The following RNF150 variants were observed in gnomAD, a reference collection of about 807,000 sequenced individuals.
The protein encoded by RNF150 is ring finger protein 150.
In RNF150, 24 loss-of-function variants were observed where a neutral mutation model predicts 39.3. That is an observed-to-expected ratio of 0.61 (90% confidence interval 0.44 to 0.86). The LOEUF is 0.86. Among genes scored for constraint, RNF150 ranks in the 40% least tolerant of loss-of-function variants. The pLI, the probability that RNF150 is intolerant of heterozygous loss-of-function variation, is 0.00. For synonymous variants in RNF150, 255 were observed against 227.3 expected (o/e 1.12, Z -1.10); for missense variants, 502 against 587.8 (o/e 0.85, Z 1.51).
chr4:140,992,931 C>A (rs982176905), intron 1 of RNF150, among the ~76,000 whole-genome samples: 1 of 151,958 alleles, frequency 6.6e-6, no homozygotes, highest in Non-Finnish European at 1.5e-5. Flanking sequence ...GGGAGGCACC[C>A]GAGAGCAGAG....
At chr4:140,882,482 T>C (rs1414810094) in intron 6 of RNF150, among the ~76,000 whole-genome samples, 1 of 152,206 alleles carries the variant, frequency 6.6e-6, no homozygotes, top group Non-Finnish European at 1.5e-5. Flanking sequence ...TACTTATGCC[T>C]ATTGTTCTCA....
At chr4:140,923,432 C>G (rs1248286566) in intron 5 of RNF150, among the ~76,000 whole-genome samples, 1 of 152,174 alleles carries the variant, frequency 6.6e-6, no homozygotes, top group Non-Finnish European at 1.5e-5. Flanking sequence ...TACCATCTCA[C>G]ACCAGTTAGA....
intron 1 of RNF150, among the ~76,000 whole-genome samples, chr4:141,037,643 G>A (rs1260928973): frequency 6.6e-6 from 1 of 152,018 alleles, no homozygotes; most frequent in African/African-American, 2.4e-5. Flanking sequence ...ATAAACTGTT[G>A]GATCAAAAGA....
intron 1 of RNF150, among the ~76,000 whole-genome samples, chr4:141,170,374 A>G (rs1727693189): frequency 6.6e-6 from 1 of 152,198 alleles, no homozygotes; most frequent in East Asian, 1.9e-4. Context: ...AACATGAATC[A>G]CCACATAATG....
intron 4 of RNF150, among the ~76,000 whole-genome samples, chr4:140,946,996 T>A (rs1732340060): frequency 6.6e-6 from 1 of 152,204 alleles, no homozygotes; most frequent in African/African-American, 2.4e-5. Flanking sequence ...ATTTATTTAA[T>A]TTTAACAATT....
chr4:141,029,624 G>A (rs1251703841), intron 1 of RNF150, among the ~76,000 whole-genome samples: 1 of 152,128 alleles, frequency 6.6e-6, no homozygotes, highest in Non-Finnish European at 1.5e-5. Context: ...TGCTAATTTG[G>A]GCAGAAGGAA....
At chr4:140,954,412 A>G (rs1225969090) in intron 2 of RNF150, among the ~76,000 whole-genome samples, 1 of 151,994 alleles carries the variant, frequency 6.6e-6, no homozygotes, top group Admixed American at 6.6e-5. Context: ...ATGGGGTTTC[A>G]CCATGTAGGT....
intron 1 of RNF150, among the ~76,000 whole-genome samples, chr4:141,191,205 G>A (rs1728105565): frequency 6.6e-6 from 1 of 152,164 alleles, no homozygotes; most frequent in Non-Finnish European, 1.5e-5. Context: ...TATCCCTGAT[G>A]TTTCTGTGGG....
chr4:141,086,641 T>C (rs1317521738), intron 1 of RNF150, among the ~76,000 whole-genome samples: 1 of 151,864 alleles, frequency 6.6e-6, no homozygotes, highest in East Asian at 1.9e-4. Context: ...TATACATCTA[T>C]AATATTTATT....
chr4:141,134,984 C>G (rs530783079), upstream of RNF150, among the ~76,000 whole-genome samples: 211 of 152,348 alleles, frequency 1.4e-3, 1 homozygote, highest in African/African-American at 4.9e-3. Context: ...TCCCTTACCC[C>G]TTCTTTCCTT....
intron 2 of RNF150, among the ~76,000 whole-genome samples, chr4:140,965,082 GA>G (rs1349351136): frequency 5.9e-5 from 9 of 151,998 alleles, no homozygotes; most frequent in African/African-American, 9.7e-5. Flanking sequence ...GATTTAATGA[GA>G]AAAAAGAAAT....
chr4:140,952,884 C>T (rs1175804660), intron 2 of RNF150, among the ~76,000 whole-genome samples: 1 of 152,058 alleles, frequency 6.6e-6, no homozygotes, highest in Non-Finnish European at 1.5e-5. Flanking sequence ...CATTGTTAGG[C>T]GATTTCGTCA....
intron 1 of RNF150, among the ~76,000 whole-genome samples, chr4:141,047,351 A>G (rs1736619679): frequency 6.6e-6 from 1 of 152,152 alleles, no homozygotes; most frequent in Non-Finnish European, 1.5e-5. Flanking sequence ...CTCGCTGTCA[A>G]CAGGATTTCC....
chr4:141,154,208 G>T (rs1727346078), intron 1 of RNF150, among the ~76,000 whole-genome samples: 1 of 152,174 alleles, frequency 6.6e-6, no homozygotes, highest in Non-Finnish European at 1.5e-5. Flanking sequence ...TTGACATAAA[G>T]CAGAAAGACT....
At chr4:140,913,530 T>A (rs1730699617) in intron 5 of RNF150, among the ~76,000 whole-genome samples, 1 of 152,184 alleles carries the variant, frequency 6.6e-6, no homozygotes, top group Admixed American at 6.5e-5. Context: ...AGTTGGCCCC[T>A]GGTGAATTCC....
At position 141,083,278 on chromosome 4, in the gene RNF150, A is replaced by C. The variant is rs113743545; in HGVS notation, c.484+49047T>G. Among the ~76,000 whole-genome samples the C allele has an allele frequency of 1.8e-3, 274 of 152,364 alleles. 1 individual carries two copies. Among genetic ancestry groups the C allele is most frequent in the African/African-American group, 6.3e-3 (260 of 41,584 alleles). ...TGTATAACTAGGAAATAGGATTTTT[A>C]GATAACCACTTTTTTCCCCTAACAG... On this transcript the variant is annotated intron_variant, in intron 1 of 6. Transcript: ENST00000515673.
At chr4:141,193,806 G>T (rs1728154885) in intron 1 of RNF150, among the ~76,000 whole-genome samples, 1 of 152,184 alleles carries the variant, frequency 6.6e-6, no homozygotes, top group Non-Finnish European at 1.5e-5. Flanking sequence ...AAATTATTTA[G>T]CTGGGAGGGG....
intron 6 of RNF150, among the ~76,000 whole-genome samples, chr4:140,878,659 C>A (rs578089962): frequency 1.1e-4 from 17 of 152,252 alleles, no homozygotes; most frequent in Admixed American, 4.6e-4. Context: ...GATATTAACA[C>A]CTTATCAAAT....
chr4:141,111,231 A>G (rs1267183845), intron 1 of RNF150, among the ~76,000 whole-genome samples: 2 of 152,204 alleles, frequency 1.3e-5, no homozygotes, highest in African/African-American at 2.4e-5. Context: ...TGTATTGTTC[A>G]CCTGCTGGGA....
Sources: allele counts gnomAD v4.1 joint callset (sites outside exome capture counted in the v4.1 genomes callset), GRCh38; gene constraint gnomAD v4.1.1; transcripts MANE v1.5; gene names NCBI Gene and HGNC (gene_info 2026-07-23, HGNC 2026-07-21).